The following ATRNL1 variants were observed in gnomAD, a reference collection of about 807,000 sequenced individuals.
The protein encoded by ATRNL1 is attractin like 1.
In ATRNL1, 95 loss-of-function variants were observed where a neutral mutation model predicts 182.7. The observed-to-expected ratio is 0.52, with a 90% confidence interval of 0.44 to 0.62. ATRNL1 has a LOEUF of 0.62. Ranked by LOEUF, ATRNL1 falls within the 20% of genes least tolerant of loss-of-function variation. The pLI is 0.00. For synonymous variants in ATRNL1, 576 were observed against 568.3 expected (o/e 1.01, Z -0.19); for missense variants, 1,471 against 1,679.5 (o/e 0.88, Z 2.17).
In ATRNL1 at chr10:115,265,244, A is replaced by G; in HGVS notation, c.1739A>G (p.Asn580Ser). 1 of 1,608,648 alleles carries G rather than the reference A, an allele frequency of 6.2e-7. No homozygotes were observed. Among genetic ancestry groups the G allele is most frequent in the Non-Finnish European group, 8.5e-7 (1 of 1,176,680 alleles). ...AAACCAAATCTTCATAGAGATGTCA[A>G]CAGATTTGGACACTCTGCAGTAGTC... ...LPKPNLHRDV[N>S]RFGHSAVVIN... The change falls in exon 11 of 29, where the codon AAC (asparagine) becomes AGC (serine). Residue 580 changes from asparagine (N) to serine (S), a missense_variant. This residue lies in a region of ATRNL1 where 1,031 missense variants were observed against 1,156.0 expected (regional missense o/e 0.89). Coordinates refer to ENST00000355044, the MANE Select transcript of ATRNL1 (RefSeq NM_207303.4).
At chr10:115,887,540 A>G (rs1160355866) in intron 28 of ATRNL1, among the ~76,000 whole-genome samples, 4 of 152,060 alleles carry the variant, frequency 2.6e-5, no homozygotes, top group Admixed American at 2.6e-4. Flanking sequence ...TTGTGACCTA[A>G]TCATCTCCTA....
At chr10:115,623,978 T>TA (rs1393006227) in intron 26 of ATRNL1, among the ~76,000 whole-genome samples, 15 of 151,880 alleles carry the variant, frequency 9.9e-5, no homozygotes, top group East Asian at 5.8e-4. Context: ...TTTTAAATTG[T>TA]AAAAAAAATG....
At chr10:115,402,085 A>G (rs1036574781) in intron 20 of ATRNL1, among the ~76,000 whole-genome samples, 1 of 152,130 alleles carries the variant, frequency 6.6e-6, no homozygotes, top group Non-Finnish European at 1.5e-5. Flanking sequence ...TCTTAAATGA[A>G]TATCTCTTGG....
At chr10:115,601,133 G>T (rs75343782) in intron 26 of ATRNL1, among the ~76,000 whole-genome samples, 2,957 of 151,830 alleles carry the variant, frequency 0.019, 63 homozygotes, top group East Asian at 0.12. Flanking sequence ...TTTGGCTCAT[G>T]ACTTACTTAA....
intron 28 of ATRNL1, among the ~76,000 whole-genome samples, chr10:115,882,064 A>G (rs1224275524): frequency 6.6e-6 from 1 of 152,128 alleles, no homozygotes; most frequent in Non-Finnish European, 1.5e-5. Context: ...CTTGGTTCCT[A>G]ACACTCATGC....
At chr10:115,491,039 T>C (rs1395181488) in intron 24 of ATRNL1, among the ~76,000 whole-genome samples, 1 of 152,210 alleles carries the variant, frequency 6.6e-6, no homozygotes, top group Admixed American at 6.5e-5. Flanking sequence ...CAGACTCTTT[T>C]TGCCTGGTTA....
At chr10:115,446,158 T>C (rs1483518557) in intron 21 of ATRNL1, among the ~76,000 whole-genome samples, 1 of 152,092 alleles carries the variant, frequency 6.6e-6, no homozygotes, top group Non-Finnish European at 1.5e-5. Flanking sequence ...CTTCAACTCA[T>C]TATGATCTCT....
chr10:115,907,459 A>G (rs1367814914), intron 28 of ATRNL1, among the ~76,000 whole-genome samples: 2 of 152,258 alleles, frequency 1.3e-5, no homozygotes, highest in African/African-American at 4.8e-5. Context: ...CCTTATGAAC[A>G]TGTTTGAGAA....
At chr10:115,255,997 G>A (rs528375475) in intron 10 of ATRNL1, among the ~76,000 whole-genome samples, 10 of 152,212 alleles carry the variant, frequency 6.6e-5, no homozygotes, top group East Asian at 1.9e-4. Flanking sequence ...TGACTTGATC[G>A]TGGTGGATAA....
intron 26 of ATRNL1, among the ~76,000 whole-genome samples, chr10:115,617,382 A>G (rs1295271171): frequency 6.6e-6 from 1 of 151,806 alleles, no homozygotes; most frequent in Non-Finnish European, 1.5e-5. Context: ...TTTTTTTTAA[A>G]CGGAGTCTTG....
intron 9 of ATRNL1, among the ~76,000 whole-genome samples, chr10:115,240,785 A>G (rs1400940755): frequency 1.3e-5 from 2 of 152,052 alleles, no homozygotes; most frequent in Non-Finnish European, 1.5e-5. Context: ...TTGTGAGCAT[A>G]TATTTATAAT....
intron 28 of ATRNL1, among the ~76,000 whole-genome samples, chr10:115,928,011 A>G (rs1953285737): frequency 6.6e-6 from 1 of 152,130 alleles, no homozygotes; most frequent in Non-Finnish European, 1.5e-5. Context: ...ATTTGGCTCT[A>G]TGGACTGTTT....
At chr10:115,122,477 CATG>C (rs1396116369) in intron 3 of ATRNL1, among the ~76,000 whole-genome samples, 2 of 151,808 alleles carry the variant, frequency 1.3e-5, no homozygotes, top group Non-Finnish European at 2.9e-5. Context: ...TATAATTTAA[CATG>C]ATTGTTGATA....
chr10:115,639,124 A>AATCAGAGAAGAAAATCTTAAAAGCAACC (rs1859072885), intron 26 of ATRNL1, among the ~76,000 whole-genome samples: 1 of 152,228 alleles, frequency 6.6e-6, no homozygotes, highest in Non-Finnish European at 1.5e-5. Context: ...TGAAAAATAT[A>AATCAGAGAAGAAAATCTTAAAAGCAACC]ATCAGAGAAG....
rs182229443 is a variant in ATRNL1 at position 115,920,982 on chromosome 10, T to C, written c.4019-23676T>C. Among the ~76,000 whole-genome samples the C allele has an allele frequency of 8.9e-4, 136 of 152,230 alleles. 1 individual carries two copies. Among genetic ancestry groups the C allele is most frequent in the African/African-American group, 2.9e-3 (121 of 41,544 alleles). ...GTTAGAAATAGTACAATAACAGAAATGGTTATTGAAATCATCTGAAATTTC... is the reference window on the plus strand; with the variant it reads ...GTTAGAAATAGTACAATAACAGAAACGGTTATTGAAATCATCTGAAATTTC... On this transcript the variant is annotated intron_variant, in intron 28 of 28. Coordinates refer to ENST00000355044, the MANE Select transcript of ATRNL1 (RefSeq NM_207303.4).
At chr10:115,500,954 G>A (rs1395007562) in intron 24 of ATRNL1, among the ~76,000 whole-genome samples, 2 of 110,376 alleles carry the variant, frequency 1.8e-5, no homozygotes, top group African/African-American at 7.2e-5. Context: ...TTGAGATAGA[G>A]TTTCGTTCTT....
intron 26 of ATRNL1, among the ~76,000 whole-genome samples, chr10:115,689,838 G>A (rs1412074903): frequency 6.6e-6 from 1 of 152,136 alleles, no homozygotes; most frequent in Non-Finnish European, 1.5e-5. Flanking sequence ...ACACTGTCCT[G>A]GACGCTGGGG....
At chr10:115,258,794 G>A (rs1592337891) in intron 10 of ATRNL1, among the ~76,000 whole-genome samples, 2 of 152,028 alleles carry the variant, frequency 1.3e-5, no homozygotes, top group Admixed American at 1.3e-4. Flanking sequence ...CTACAGATGG[G>A]GTTTTGGTCT....
In ATRNL1 at chr10:115,871,469, T is replaced by TTATATA. The variant is rs1162576615; in HGVS notation, c.4018+23479_4018+23480insATATAT. ...TCCTAGAAAGGCCTGGTCAGATTCT[T>TTATATA]TGTGTGTGTGTATATATATATATAT... On this transcript the variant is annotated intron_variant, in intron 28 of 28. Transcript: ENST00000355044. 1.4e-3 allele frequency among the ~76,000 whole-genome samples: 191 copies of TTATATA among 140,310 alleles called. 4 individuals are homozygous for TTATATA. The highest frequency in any genetic ancestry group is 4.5e-3 in the African/African-American group (169 of 37,850). The allele number at this position is 140,310 out of a possible 152,430, so 92.0% of individuals were successfully genotyped here. A position where few individuals can be genotyped will look rare whatever the true frequency, so the allele number is the denominator to read the frequency against.
Sources: gnomAD v4.1 joint callset for allele counts (sites outside exome capture counted in the v4.1 genomes callset) on GRCh38, gnomAD v4.1.1 for gene constraint, gnomAD v4.1.1 regional missense constraint, MANE v1.5 for transcripts, NCBI Gene and HGNC (gene_info 2026-07-23, HGNC 2026-07-21) for gene names.